The following SLC4A10 variants were observed in gnomAD, a reference collection of about 807,000 sequenced individuals.
SLC4A10 encodes the protein solute carrier family 4 member 10, also known as sodium-driven chloride bicarbonate exchanger.
Under a neutral mutation model 137.7 loss-of-function variants are expected in SLC4A10, and 42 were observed. That is an observed-to-expected ratio of 0.30 (90% CI 0.24 to 0.39). The LOEUF (loss-of-function observed/expected upper bound fraction) is 0.39. Among genes scored for constraint, SLC4A10 ranks in the 10% least tolerant of loss-of-function variants. The pLI, the probability that SLC4A10 is intolerant of heterozygous loss-of-function variation, is 1.00. For missense variants in SLC4A10, 925 were observed against 1,355.0 expected, an observed-to-expected ratio of 0.68 and a Z score of 4.98; for synonymous variants, 474 against 464.1, an observed-to-expected ratio of 1.02 and a Z score of -0.27.
chr2:161,939,233 T>C (rs1692200734), intron 15 of SLC4A10, among the ~76,000 whole-genome samples: 1 of 152,054 alleles, frequency 6.6e-6, no homozygotes. Context: ...CTTGCCACCA[T>C]GCCTCCCTAA....
At chr2:161,639,133 A>G (rs1187187286) in intron 1 of SLC4A10, among the ~76,000 whole-genome samples, 2 of 152,270 alleles carry the variant, frequency 1.3e-5, no homozygotes, top group South Asian at 4.1e-4. Flanking sequence ...TTGAATCAGT[A>G]ATAAAAAGTC....
chr2:161,964,423 A>G (rs1575881946), intron 22 of SLC4A10, 115 bp downstream of exon 22: 1 of 1,176,094 alleles, frequency 8.5e-7, no homozygotes, highest in East Asian at 2.5e-5. Flanking sequence ...ATTATTGGAA[A>G]ATATAAGTTT....
chr2:161,779,462 T>G (rs945706707), intron 2 of SLC4A10, among the ~76,000 whole-genome samples: 6 of 151,994 alleles, frequency 3.9e-5, no homozygotes, highest in African/African-American at 1.4e-4. Context: ...AATGGCAGTA[T>G]TCTCCTGCTT....
chr2:161,790,394 T>C (rs117624631), intron 2 of SLC4A10, among the ~76,000 whole-genome samples: 2 of 152,302 alleles, frequency 1.3e-5, no homozygotes, highest in East Asian at 3.9e-4. Context: ...AAATGTTTTT[T>C]CTTTGAAAAA....
chr2:161,942,761 T>A, intron 15 of SLC4A10, 31 bp from the exon 16 acceptor site: 1 of 1,537,280 alleles, frequency 6.5e-7, no homozygotes, highest in Non-Finnish European at 8.9e-7. Flanking sequence ...AAGCTACTTA[T>A]TTCACAAAAG....
chr2:161,897,532 A>G (rs775755556), intron 11 of SLC4A10, among the ~76,000 whole-genome samples: 4 of 152,112 alleles, frequency 2.6e-5, no homozygotes, highest in Non-Finnish European at 5.9e-5. Context: ...GGGTATCTCA[A>G]TTTCACTGTC....
intron 2 of SLC4A10, among the ~76,000 whole-genome samples, chr2:161,789,162 C>T (rs893745794): frequency 1.3e-5 from 2 of 152,202 alleles, no homozygotes; most frequent in Non-Finnish European, 2.9e-5. Flanking sequence ...CACACCAGCA[C>T]GAGCTGGCCA....
At chr2:161,686,969 G>A (rs941024738) in intron 1 of SLC4A10, among the ~76,000 whole-genome samples, 3 of 144,434 alleles carry the variant, frequency 2.1e-5, no homozygotes, top group East Asian at 2.0e-4. Flanking sequence ...TGCAACCTCC[G>A]CCTCCCGGGT....
At chr2:161,790,366 T>G (rs2054067688) in intron 2 of SLC4A10, among the ~76,000 whole-genome samples, 1 of 152,180 alleles carries the variant, frequency 6.6e-6, no homozygotes, top group Admixed American at 6.5e-5. Context: ...ATAAAAAGTC[T>G]TATAATTTCC....
At chr2:161,804,672 T>C (rs1559287645) in intron 3 of SLC4A10, 77 bp downstream of exon 3, 2 of 1,261,838 alleles carry the variant, frequency 1.6e-6, no homozygotes, top group Non-Finnish European at 2.1e-6. Context: ...TTAGGAGTAA[T>C]ACCTTATACT....
chr2:161,837,320 C>A (rs1042212039), intron 3 of SLC4A10, among the ~76,000 whole-genome samples: 3 of 151,764 alleles, frequency 2.0e-5, no homozygotes, highest in African/African-American at 7.3e-5. Flanking sequence ...AAATTGGAAA[C>A]AAATTAAAAA....
chr2:161,972,536 A>C (rs1031728409), intron 23 of SLC4A10, among the ~76,000 whole-genome samples: 1 of 152,154 alleles, frequency 6.6e-6, no homozygotes, highest in Non-Finnish European at 1.5e-5. Flanking sequence ...TGACAAGGAG[A>C]ATAGGCATAA....
In SLC4A10 at chr2:161,855,144, C is replaced by T. The variant is rs1221921447; in HGVS notation, c.577+14C>T. 1 of 1,595,532 alleles carries T rather than the reference C, an allele frequency of 6.3e-7. No homozygotes were observed. Among genetic ancestry groups the T allele is most frequent in the Non-Finnish European group, 8.5e-7 (1 of 1,170,744 alleles). ...AAGAAATTGCAGGTATATCTTTTCC[C>T]CCTTAGTGTATTTTATAGGTACAGC... On this transcript the variant is annotated intron_variant, in intron 5 of 26. Transcript: ENST00000446997.
At chr2:161,920,102 C>T (rs1236760531) in intron 15 of SLC4A10, among the ~76,000 whole-genome samples, 1 of 152,228 alleles carries the variant, frequency 6.6e-6, no homozygotes, top group Non-Finnish European at 1.5e-5. Flanking sequence ...TGCTTGCTCA[C>T]TTATGCACCC....
chr2:161,799,972 C>T (rs944433984), intron 2 of SLC4A10, among the ~76,000 whole-genome samples: 1 of 151,856 alleles, frequency 6.6e-6, no homozygotes, highest in Admixed American at 6.6e-5. Context: ...AGTTTATCTC[C>T]GTTATATACA....
intron 1 of SLC4A10, among the ~76,000 whole-genome samples, chr2:161,663,332 A>G (rs1357706224): frequency 6.6e-6 from 1 of 152,032 alleles, no homozygotes; most frequent in Non-Finnish European, 1.5e-5. Flanking sequence ...CTTATTTTGT[A>G]TTTACACTCT....
chr2:161,793,374 A>T (rs932016204), intron 2 of SLC4A10, among the ~76,000 whole-genome samples: 31 of 152,098 alleles, frequency 2.0e-4, no homozygotes, highest in Admixed American at 6.6e-5. Flanking sequence ...TGTACAATAG[A>T]TCTCTTGAAC....
At position 161,950,271 on chromosome 2, in the gene SLC4A10, T is replaced by C. The variant is rs369978669; in HGVS notation, c.2380-416T>C. On this transcript the variant is annotated intron_variant, in intron 18 of 26. Coordinates refer to ENST00000446997, the MANE Select transcript of SLC4A10 (RefSeq NM_001178015.2). ...TAGCACAGTGGTCAATGTGTCAATATGCTATTTGTAAATTTCAATACATTT... is the reference window on the plus strand; with the variant it reads ...TAGCACAGTGGTCAATGTGTCAATACGCTATTTGTAAATTTCAATACATTT... 2.6e-3 allele frequency among the ~76,000 whole-genome samples: 398 copies of C among 152,288 alleles called. 19 individuals carry two copies. In the South Asian group the frequency reaches 0.078, roughly 30 times the overall value.
chr2:161,691,885 T>G (rs79034370), intron 1 of SLC4A10, among the ~76,000 whole-genome samples: 13 of 152,108 alleles, frequency 8.5e-5, no homozygotes, highest in African/African-American at 1.7e-4. Context: ...TGAAACAAGT[T>G]TGTAAATGGT....
Sources: allele counts gnomAD v4.1 joint callset (sites outside exome capture counted in the v4.1 genomes callset), GRCh38; gene constraint gnomAD v4.1.1; transcripts MANE v1.5; gene names NCBI Gene and HGNC (gene_info 2026-07-23, HGNC 2026-07-21).